Variants in MAP4K4 observed in about 807,000 individuals in gnomAD.
The protein encoded by MAP4K4 is mitogen-activated protein kinase kinase kinase kinase 4, also known as HPK/GCK-like kinase HGK.
Under a neutral mutation model 189.6 loss-of-function variants are expected in MAP4K4, and 38 were observed. The observed-to-expected ratio is 0.20, with a 90% CI of 0.15 to 0.26. The LOEUF is 0.26. Among genes scored for constraint, MAP4K4 ranks in the 10% least tolerant of loss-of-function variants. The pLI is 1.00. For synonymous variants in MAP4K4, 610 were observed against 624.3 expected (o/e 0.98, Z 0.34); for missense variants, 1,054 against 1,726.9 (o/e 0.61, Z 6.91).
At chr2:101,816,113 C>T (rs564585649) in intron 3 of MAP4K4, among the ~76,000 whole-genome samples, 1 of 152,174 alleles carries the variant, frequency 6.6e-6, no homozygotes, top group Non-Finnish European at 1.5e-5. Flanking sequence ...TGGAGTCTTT[C>T]TCAGGGCAGT....
At chr2:101,707,662 A>C (rs1372721028) in intron 2 of MAP4K4, among the ~76,000 whole-genome samples, 5 of 148,552 alleles carry the variant, frequency 3.4e-5, no homozygotes, top group Non-Finnish European at 5.9e-5. Context: ...ACAGGTGTGC[A>C]CCACCATGTC....
chr2:101,708,433 C>T (rs2043575835), intron 2 of MAP4K4, among the ~76,000 whole-genome samples: 1 of 152,154 alleles, frequency 6.6e-6, no homozygotes, highest in Admixed American at 6.5e-5. Flanking sequence ...TGACCTCTGT[C>T]AGAGATACTT....
intron 2 of MAP4K4, among the ~76,000 whole-genome samples, chr2:101,705,021 T>G (rs2041530594): frequency 6.6e-6 from 1 of 152,146 alleles, no homozygotes. Context: ...GGTTGAGTAA[T>G]TAATAAAGTG....
chr2:101,807,639 A>G (rs909477971), intron 3 of MAP4K4, among the ~76,000 whole-genome samples: 2 of 152,174 alleles, frequency 1.3e-5, no homozygotes, highest in Non-Finnish European at 2.9e-5. Flanking sequence ...TCATGGTTCT[A>G]CAGGATGTGC....
intron 10 of MAP4K4, 132 bp downstream of exon 10, chr2:101,840,126 G>T (rs144432887): frequency 4.8e-6 from 4 of 839,716 alleles, no homozygotes; most frequent in Non-Finnish European, 7.0e-6. Flanking sequence ...CTCTGCTTGC[G>T]GTTCAGTGCT....
chr2:101,834,530 A>G (rs956383820), intron 8 of MAP4K4, 67 bp downstream of exon 8: 5 of 1,245,288 alleles, frequency 4.0e-6, no homozygotes, highest in East Asian at 2.4e-5. Flanking sequence ...CAAGACTTCA[A>G]AAAGAACAGC....
chr2:101,737,441 A>T (rs1558650591), intron 2 of MAP4K4, among the ~76,000 whole-genome samples: 1 of 32,660 alleles, frequency 3.1e-5, no homozygotes, highest in African/African-American at 1.6e-4. Context: ...ATATATATAT[A>T]TATATATATA....
chr2:101,741,490 G>C (rs1288458665), intron 2 of MAP4K4, among the ~76,000 whole-genome samples: 1 of 151,988 alleles, frequency 6.6e-6, no homozygotes, highest in East Asian at 1.9e-4. Flanking sequence ...TTTTCTTAAG[G>C]ATATCGCAGA....
chr2:101,724,152 A>G (rs933238569), intron 2 of MAP4K4, among the ~76,000 whole-genome samples: 1 of 152,184 alleles, frequency 6.6e-6, no homozygotes, highest in Non-Finnish European at 1.5e-5. Context: ...CTTATTTAAA[A>G]ACGGTGGTGC....
chr2:101,760,530 A>ATG (rs34293909), intron 2 of MAP4K4, among the ~76,000 whole-genome samples: 30,691 of 138,478 alleles, frequency 0.22, 3,864 homozygotes, highest in Admixed American at 0.27. Flanking sequence ...ATATGTATAT[A>ATG]TGTGTGTGTG....
chr2:101,858,376 C>G (rs762703032), intron 13 of MAP4K4, among the ~76,000 whole-genome samples: 5 of 152,224 alleles, frequency 3.3e-5, no homozygotes, highest in Non-Finnish European at 5.9e-5. Context: ...TTCCTGCTGT[C>G]TTTCTCTCCC....
At chr2:101,796,195 A>ATGT (rs2093667186) in intron 3 of MAP4K4, among the ~76,000 whole-genome samples, 1 of 152,188 alleles carries the variant, frequency 6.6e-6, no homozygotes, top group African/African-American at 2.4e-5. Context: ...CCACTCGGGC[A>ATGT]TAGGATGCTG....
chr2:101,834,043 A>G (rs2096665028), intron 7 of MAP4K4, among the ~76,000 whole-genome samples: 1 of 152,244 alleles, frequency 6.6e-6, no homozygotes, highest in Non-Finnish European at 1.5e-5. Context: ...GAAGAAATGA[A>G]GAAACATACA....
At chr2:101,891,987 T>TAAAAAAAAAAAAAA (rs60620198) in exon 33 of MAP4K4, 1 of 59,818 alleles carries the variant, frequency 1.7e-5, no homozygotes, top group African/African-American at 7.3e-5. Flanking sequence ...CAGATGGTTC[T>TAAAAAAAAAAAAAA]AAAAAAAAAA....
chr2:101,803,245 A>ATGTG (rs6146862), intron 3 of MAP4K4, among the ~76,000 whole-genome samples: 2,687 of 150,238 alleles, frequency 0.018, 86 homozygotes, highest in African/African-American at 0.056. Flanking sequence ...GATGATGATG[A>ATGTG]TGTGTGTGTG....
At chr2:101,747,398 G>A (rs1369861320) in intron 2 of MAP4K4, among the ~76,000 whole-genome samples, 8 of 152,144 alleles carry the variant, frequency 5.3e-5, no homozygotes, top group East Asian at 1.9e-4. Flanking sequence ...GATTACATGC[G>A]TGAGTCACCA....
chr2:101,761,035 A>G (rs557865946), intron 2 of MAP4K4, among the ~76,000 whole-genome samples: 77 of 152,344 alleles, frequency 5.1e-4, no homozygotes, highest in African/African-American at 1.8e-3. Context: ...AATGTTTAAC[A>G]TGTTGGCAAT....
chr2:101,794,193 T>G (rs2093379367), intron 3 of MAP4K4, among the ~76,000 whole-genome samples: 1 of 152,222 alleles, frequency 6.6e-6, no homozygotes, highest in African/African-American at 2.4e-5. Flanking sequence ...TTTGTTTTTG[T>G]TTTTGTTTTA....
intron 2 of MAP4K4, among the ~76,000 whole-genome samples, chr2:101,719,958 G>A (rs2050764795): frequency 6.6e-6 from 1 of 151,994 alleles, no homozygotes; most frequent in African/African-American, 2.4e-5. Context: ...GTTGCAGTGA[G>A]CTGAGATCAT....
Sources: gnomAD v4.1 joint callset for allele counts (sites outside exome capture counted in the v4.1 genomes callset) on GRCh38, gnomAD v4.1.1 for gene constraint, MANE v1.5 for transcripts, NCBI Gene and HGNC (gene_info 2026-07-23, HGNC 2026-07-21) for gene names.